EEFSEC: variants seen among roughly 807,000 people sequenced by gnomAD.
EEFSEC encodes selenocysteine-specific elongation factor.
In EEFSEC, 43 loss-of-function variants were observed where a neutral mutation model predicts 42.1. The ratio of observed to expected loss-of-function variants is 1.02; its 90% CI spans 0.80 to 1.32. EEFSEC has a LOEUF of 1.32. Among genes scored for constraint, EEFSEC ranks in the 40% most tolerant of loss-of-function variants. EEFSEC has a pLI of 0.00. For synonymous variants in EEFSEC, 354 were observed against 339.1 expected (o/e 1.04, Z -0.48); for missense variants, 745 against 803.6 (o/e 0.93, Z 0.88).
At chr3:128,160,569 C>T (rs2065174083) in intron 1 of EEFSEC, among the ~76,000 whole-genome samples, 1 of 152,146 alleles carries the variant, frequency 6.6e-6, no homozygotes, top group South Asian at 2.1e-4. Flanking sequence ...GGCAGGGATT[C>T]CCACTGGCAG....
intron 1 of EEFSEC, among the ~76,000 whole-genome samples, chr3:128,240,922 A>G (rs1047094442): frequency 2.0e-5 from 3 of 152,232 alleles, no homozygotes; most frequent in Non-Finnish European, 4.4e-5. Context: ...ATGAATAAAA[A>G]CAGCTGCAAA....
chr3:128,312,528 T>C (rs2066900832), intron 4 of EEFSEC, among the ~76,000 whole-genome samples: 1 of 152,268 alleles, frequency 6.6e-6, no homozygotes, highest in African/African-American at 2.4e-5. Flanking sequence ...TACCAGTGTT[T>C]AGAAGAGGCT....
chr3:128,253,157 C>T (rs1055860886), intron 2 of EEFSEC, among the ~76,000 whole-genome samples: 5 of 152,142 alleles, frequency 3.3e-5, no homozygotes, highest in African/African-American at 1.2e-4. Context: ...TATATATTGC[C>T]CAAAAGGGTT....
the EEFSEC span, among the ~76,000 whole-genome samples, chr3:128,416,796 G>T: frequency 0.043 from 6,569 of 152,042 alleles, 477 homozygotes; most frequent in African/African-American, 0.15. Context: ...AAAGGGGTGA[G>T]GGCCATGCCG....
chr3:128,236,254 C>T (rs1040464226), intron 1 of EEFSEC, among the ~76,000 whole-genome samples: 4 of 152,218 alleles, frequency 2.6e-5, no homozygotes, highest in Non-Finnish European at 5.9e-5. Context: ...GGATTATAGG[C>T]GTGAGCCACT....
chr3:128,366,919 C>T lies in EEFSEC; in HGVS notation c.1600+8546C>T, dbSNP rs780474263. On this transcript the variant is annotated intron_variant, in intron 6 of 6. Transcript: ENST00000254730. ...CTATCATAACAGAATACCACAGACG[C>T]GGTGGCTTAAACAATAGGCATTCAT... Among the ~76,000 whole-genome samples the T allele has an allele frequency of 9.2e-5, 14 of 152,280 alleles. No homozygotes were observed. The East Asian group carries it at 1.5e-3, about 17-fold the overall frequency.
chr3:128,257,604 T>A (rs2066253921), intron 2 of EEFSEC, among the ~76,000 whole-genome samples: 1 of 152,198 alleles, frequency 6.6e-6, no homozygotes, highest in Non-Finnish European at 1.5e-5. Flanking sequence ...AACACCAGAT[T>A]TTAAGGAGAT....
At chr3:128,340,073 C>T (rs187587826) in intron 4 of EEFSEC, among the ~76,000 whole-genome samples, 1 of 152,260 alleles carries the variant, frequency 6.6e-6, no homozygotes, top group Admixed American at 6.5e-5. Context: ...ACCATATCAG[C>T]CTCCCTCCCT....
At chr3:128,262,700 C>T (rs1304501428) in intron 3 of EEFSEC, among the ~76,000 whole-genome samples, 1 of 152,204 alleles carries the variant, frequency 6.6e-6, no homozygotes, top group Non-Finnish European at 1.5e-5. Context: ...GGCACCTCCA[C>T]CAAAGATGGG....
chr3:128,392,460 G>A (rs1228427738), intron 6 of EEFSEC, among the ~76,000 whole-genome samples: 2 of 152,226 alleles, frequency 1.3e-5, no homozygotes, highest in African/African-American at 2.4e-5. Context: ...TGTAATAGGC[G>A]AGGGGACCCA....
intron 1 of EEFSEC, chr3:128,154,060 A>T: frequency 5.3e-6 from 1 of 187,390 alleles, no homozygotes; most frequent in Non-Finnish European, 9.4e-6. Flanking sequence ...GCCTTCCTTA[A>T]AAAAAAAAAA....
chr3:128,319,165 C>A (rs984925136), intron 4 of EEFSEC, among the ~76,000 whole-genome samples: 17 of 152,186 alleles, frequency 1.1e-4, no homozygotes, highest in South Asian at 2.1e-4. Context: ...TTTCTGAGGT[C>A]CTGACCCCCC....
intron 1 of EEFSEC, among the ~76,000 whole-genome samples, chr3:128,241,957 A>C (rs951619221): frequency 3.3e-5 from 5 of 152,256 alleles, no homozygotes; most frequent in Non-Finnish European, 7.3e-5. Flanking sequence ...TTGCCACTGC[A>C]GTTTTATATT....
intron 6 of EEFSEC, among the ~76,000 whole-genome samples, chr3:128,374,542 C>T (rs1156396191): frequency 6.6e-6 from 1 of 152,142 alleles, no homozygotes; most frequent in East Asian, 1.9e-4. Flanking sequence ...AGGGGGCTTT[C>T]TACTGGGGAC....
chr3:128,154,602 A>G (rs1006531669), intron 1 of EEFSEC, among the ~76,000 whole-genome samples: 4 of 151,978 alleles, frequency 2.6e-5, no homozygotes, highest in Non-Finnish European at 5.9e-5. Flanking sequence ...GGCGCGCGCC[A>G]CCACGCCCGG....
chr3:128,214,077 A>G (rs1241253976), intron 1 of EEFSEC, among the ~76,000 whole-genome samples: 1 of 152,254 alleles, frequency 6.6e-6, no homozygotes, highest in Non-Finnish European at 1.5e-5. Flanking sequence ...GGTATAAGTC[A>G]GTGTTAAATT....
chr3:128,233,621 A>G (rs1018815931), intron 1 of EEFSEC, among the ~76,000 whole-genome samples: 6 of 152,192 alleles, frequency 3.9e-5, no homozygotes, highest in African/African-American at 1.4e-4. Flanking sequence ...TTGTATTTTC[A>G]TTAGATAGGG....
intron 6 of EEFSEC, among the ~76,000 whole-genome samples, chr3:128,388,853 T>C (rs1475136243): frequency 6.6e-6 from 1 of 152,012 alleles, no homozygotes; most frequent in Non-Finnish European, 1.5e-5. Flanking sequence ...TGACTAGAGG[T>C]AGAGGGTCCC....
chr3:128,389,164 G>A (rs367738212), intron 6 of EEFSEC, among the ~76,000 whole-genome samples: 1 of 152,212 alleles, frequency 6.6e-6, no homozygotes, highest in Non-Finnish European at 1.5e-5. Flanking sequence ...GTGCTGCAGC[G>A]AGGCATCTTA....
Sources: allele counts gnomAD v4.1 joint callset (sites outside exome capture counted in the v4.1 genomes callset), GRCh38; gene constraint gnomAD v4.1.1; transcripts MANE v1.5; gene names NCBI Gene and HGNC (gene_info 2026-07-23, HGNC 2026-07-21).